DNM3: variants seen among roughly 807,000 people sequenced by gnomAD.
The protein encoded by DNM3 is dynamin 3.
DNM3 carries 47 observed loss-of-function variants against 101.6 expected under a neutral mutation model. That is an observed-to-expected ratio of 0.46 (90% CI 0.37 to 0.59). DNM3 has a LOEUF of 0.59. Among genes scored for constraint, DNM3 ranks in the 20% least tolerant of loss-of-function variants. DNM3 has a pLI of 0.00. For missense variants in DNM3, 849 were observed against 1,085.7 expected (o/e 0.78, Z 3.06); for synonymous variants, 385 against 387.9 (o/e 0.99, Z 0.09).
chr1:172,092,923 G>T (rs1452992045), intron 13 of DNM3, 48 bp downstream of exon 13: 1 of 1,482,468 alleles, frequency 6.7e-7, no homozygotes, highest in East Asian at 2.5e-5. Flanking sequence ...CAAAGAATTT[G>T]AACTAAATCG....
At chr1:172,057,447 A>T (rs1307962874) in intron 10 of DNM3, among the ~76,000 whole-genome samples, 1 of 152,194 alleles carries the variant, frequency 6.6e-6, no homozygotes, top group Non-Finnish European at 1.5e-5. Flanking sequence ...CCAGAGAGAA[A>T]GGTCGAGTTA....
At chr1:172,186,146 GA>G (rs978940495) in intron 14 of DNM3, among the ~76,000 whole-genome samples, 2 of 152,090 alleles carry the variant, frequency 1.3e-5, no homozygotes, top group African/African-American at 4.8e-5. Flanking sequence ...GGGGATGACA[GA>G]ACATCTTTTG....
intron 9 of DNM3, 112 bp downstream of exon 9, chr1:172,044,564 G>A (rs2049627359): frequency 2.4e-6 from 2 of 836,260 alleles, no homozygotes; most frequent in Non-Finnish European, 3.7e-6. Context: ...AGAATACAGA[G>A]GTGGGAGTAA....
At chr1:172,005,112 A>C (rs569623153) in intron 4 of DNM3, among the ~76,000 whole-genome samples, 1 of 152,188 alleles carries the variant, frequency 6.6e-6, no homozygotes, top group African/African-American at 2.4e-5. Flanking sequence ...TCATGGCTCC[A>C]CCATTTACTA....
At chr1:171,866,060 G>A (rs1476911503) in intron 1 of DNM3, among the ~76,000 whole-genome samples, 1 of 151,770 alleles carries the variant, frequency 6.6e-6, no homozygotes, top group Non-Finnish European at 1.5e-5. Context: ...CATTCTACTT[G>A]AGTAGTGCCT....
At chr1:172,138,965 A>G in intron 14 of DNM3, 3 of 471,118 alleles carry the variant, frequency 6.4e-6, no homozygotes, top group South Asian at 4.7e-5. Context: ...TGTTTTCCAG[A>G]TTTGGTGATT....
At chr1:172,203,326 T>C (rs887088391) in intron 14 of DNM3, among the ~76,000 whole-genome samples, 1 of 152,150 alleles carries the variant, frequency 6.6e-6, no homozygotes, top group Non-Finnish European at 1.5e-5. Flanking sequence ...GTGTTGCATT[T>C]CATTGATGTG....
At chr1:172,286,423 A>G (rs1235251066) in intron 15 of DNM3, among the ~76,000 whole-genome samples, 1 of 152,172 alleles carries the variant, frequency 6.6e-6, no homozygotes, top group Admixed American at 6.5e-5. Context: ...TTGGATTGCA[A>G]CAACAACTTT....
intron 7 of DNM3, 114 bp from the exon 8 acceptor site, chr1:172,041,895 G>T: frequency 8.6e-7 from 1 of 1,163,318 alleles, no homozygotes; most frequent in African/African-American, 1.5e-5. Context: ...CTGCCAGTAG[G>T]TGCCACTAAG....
chr1:171,903,364 A>G (rs2038546002), intron 1 of DNM3, among the ~76,000 whole-genome samples: 1 of 152,126 alleles, frequency 6.6e-6, no homozygotes, highest in African/African-American at 2.4e-5. Flanking sequence ...CTTGGATACC[A>G]TTTTGAATTT....
At chr1:172,241,986 A>G (rs1225454417) in intron 14 of DNM3, among the ~76,000 whole-genome samples, 1 of 152,124 alleles carries the variant, frequency 6.6e-6, no homozygotes, top group Non-Finnish European at 1.5e-5. Context: ...TCCAGTTAAG[A>G]GCCTTGACTT....
chr1:172,098,599 G>A (rs546993342), intron 13 of DNM3, among the ~76,000 whole-genome samples: 61 of 152,058 alleles, frequency 4.0e-4, no homozygotes, highest in Non-Finnish European at 6.3e-4. Context: ...ACAGGCAAAG[G>A]AAATCACAAG....
At chr1:171,905,700 G>A (rs563150544) in intron 1 of DNM3, among the ~76,000 whole-genome samples, 1 of 152,284 alleles carries the variant, frequency 6.6e-6, no homozygotes, top group East Asian at 1.9e-4. Context: ...GTTAAAAGGA[G>A]ACAACTTCTC....
intron 14 of DNM3, among the ~76,000 whole-genome samples, chr1:172,153,970 T>C (rs2058240797): frequency 6.6e-6 from 1 of 152,114 alleles, no homozygotes; most frequent in Non-Finnish European, 1.5e-5. Flanking sequence ...TACCAAATAT[T>C]TCCAAATAAC....
chr1:171,984,354 C>T (rs1041555746), intron 2 of DNM3, among the ~76,000 whole-genome samples: 2 of 152,194 alleles, frequency 1.3e-5, no homozygotes, highest in Non-Finnish European at 2.9e-5. Context: ...GGGCCCTCCA[C>T]ATCCAGGCCT....
chr1:172,144,211 G>A (rs1007105183), intron 14 of DNM3, among the ~76,000 whole-genome samples: 2 of 149,410 alleles, frequency 1.3e-5, no homozygotes, highest in Non-Finnish European at 1.5e-5. Flanking sequence ...ACAGTAAATC[G>A]CTATATACCA....
intron 14 of DNM3, among the ~76,000 whole-genome samples, chr1:172,218,594 G>T (rs1054115976): frequency 3.3e-5 from 5 of 152,136 alleles, no homozygotes; most frequent in Admixed American, 3.3e-4. Flanking sequence ...TGTGGTATAT[G>T]ATATATACAA....
chr1:172,222,407 C>A (rs2060941189), intron 14 of DNM3, among the ~76,000 whole-genome samples: 1 of 152,158 alleles, frequency 6.6e-6, no homozygotes, highest in Non-Finnish European at 1.5e-5. Context: ...TCCCCTGGGG[C>A]TTTGCCCCTG....
At chr1:171,970,732 T>C (rs532977251) in intron 2 of DNM3, among the ~76,000 whole-genome samples, 1 of 101,050 alleles carries the variant, frequency 9.9e-6, no homozygotes, top group East Asian at 2.6e-4. Flanking sequence ...ATTGTATATA[T>C]GATGTTGTGT....
Sources: gnomAD v4.1 joint callset for allele counts (sites outside exome capture counted in the v4.1 genomes callset) on GRCh38, gnomAD v4.1.1 for gene constraint, MANE v1.5 for transcripts, NCBI Gene and HGNC (gene_info 2026-07-23, HGNC 2026-07-21) for gene names.